The following WDR7 variants were observed in gnomAD, a reference collection of about 807,000 sequenced individuals.
WDR7 encodes WD repeat-containing protein 7.
In WDR7, 46 loss-of-function variants were observed where a neutral mutation model predicts 169.4. The observed-to-expected ratio is 0.27, with a 90% CI of 0.21 to 0.35. The LOEUF is 0.35. WDR7 is among the 10% of genes least tolerant of loss of function. WDR7 has a pLI of 1.00. For missense variants in WDR7, 1,534 were observed against 1,859.3 expected (o/e 0.83, Z 3.22); for synonymous variants, 612 against 666.8 (o/e 0.92, Z 1.27).
In WDR7 at chr18:56,854,019, A is replaced by G. The variant is rs80058688; in HGVS notation, c.3305-25925A>G. ...TGAACATCTGATTCATGTCTTCTGT[A>G]CACATACATATAATTTTCTCTTGAG... On this transcript the variant is annotated intron_variant, in intron 20 of 27. Coordinates refer to ENST00000254442, the MANE Select transcript of WDR7 (RefSeq NM_015285.3). Among the ~76,000 whole-genome samples, 212 of 152,300 alleles carry G rather than the reference A, an allele frequency of 1.4e-3. 2 individuals carry two copies. Among genetic ancestry groups the G allele is most frequent in the African/African-American group, 5.0e-3 (206 of 41,558 alleles).
chr18:56,862,419 A>G (rs2045819992), intron 20 of WDR7, among the ~76,000 whole-genome samples: 1 of 151,480 alleles, frequency 6.6e-6, no homozygotes. Context: ...TTATACAGTC[A>G]ACTCTTAAAT....
At chr18:56,850,363 C>A (rs1031892021) in intron 20 of WDR7, among the ~76,000 whole-genome samples, 1 of 152,114 alleles carries the variant, frequency 6.6e-6, no homozygotes, top group African/African-American at 2.4e-5. Flanking sequence ...TATAGCAGCA[C>A]CTGAAAACTG....
chr18:56,710,596 GATT>G (rs1311619514), intron 12 of WDR7, among the ~76,000 whole-genome samples: 1 of 152,000 alleles, frequency 6.6e-6, no homozygotes, highest in East Asian at 1.9e-4. Flanking sequence ...TTTCATTTAG[GATT>G]ATTTTCTTTG....
chr18:56,871,931 T>A (rs1052206986), intron 20 of WDR7, among the ~76,000 whole-genome samples: 3 of 152,098 alleles, frequency 2.0e-5, no homozygotes, highest in Non-Finnish European at 4.4e-5. Context: ...GTAACAAGTA[T>A]TATGACACTC....
downstream of WDR7, chr18:57,033,240 A>ATTG (rs1186799001): frequency 6.6e-6 from 1 of 152,114 alleles, no homozygotes; most frequent in Non-Finnish European, 1.5e-5. Context: ...ATGAGGTGGT[A>ATTG]TTGTTAGGTT....
At chr18:56,700,507 G>A (rs567831604) in intron 12 of WDR7, among the ~76,000 whole-genome samples, 3 of 149,574 alleles carry the variant, frequency 2.0e-5, no homozygotes, top group Non-Finnish European at 4.4e-5. Flanking sequence ...CACCCACCTC[G>A]GCCTCTCAAA....
chr18:56,949,075 C>T (rs1206730416), intron 25 of WDR7, among the ~76,000 whole-genome samples: 1 of 152,156 alleles, frequency 6.6e-6, no homozygotes, highest in African/African-American at 2.4e-5. Flanking sequence ...TGTCACCTCT[C>T]CCACTCTCTT....
chr18:56,917,620 A>G (rs1210234633), intron 21 of WDR7, among the ~76,000 whole-genome samples: 2 of 152,194 alleles, frequency 1.3e-5, no homozygotes, highest in African/African-American at 4.8e-5. Context: ...CAGATACTAC[A>G]AAAGTTTTAA....
chr18:56,950,784 C>T (rs2047169990), intron 25 of WDR7, among the ~76,000 whole-genome samples: 1 of 152,126 alleles, frequency 6.6e-6, no homozygotes, highest in Non-Finnish European at 1.5e-5. Context: ...TCCTCAAATT[C>T]CAGTGCCACT....
At chr18:57,011,607 A>G (rs2048136489) in intron 26 of WDR7, among the ~76,000 whole-genome samples, 1 of 152,264 alleles carries the variant, frequency 6.6e-6, no homozygotes, top group African/African-American at 2.4e-5. Context: ...ACTTTATAAC[A>G]TAAAGTTGGC....
At chr18:56,997,981 C>A (rs530128061) in intron 26 of WDR7, among the ~76,000 whole-genome samples, 1 of 152,188 alleles carries the variant, frequency 6.6e-6, no homozygotes, top group South Asian at 2.1e-4. Context: ...GATCATCTTT[C>A]CAGGAAGGAT....
intron 20 of WDR7, among the ~76,000 whole-genome samples, chr18:56,825,987 A>G (rs935469750): frequency 7.9e-6 from 1 of 127,108 alleles, no homozygotes; most frequent in Non-Finnish European, 1.9e-5. Context: ...TTCTTTTGCT[A>G]AATTTAGACC....
At chr18:56,744,266 A>G (rs371710415) in intron 14 of WDR7, among the ~76,000 whole-genome samples, 112 of 126,238 alleles carry the variant, frequency 8.9e-4, no homozygotes, top group South Asian at 6.9e-3. Context: ...AAAAAAAAAA[A>G]AAAGAAAGAG....
At position 56,747,951 on chromosome 18, in the gene WDR7, T is replaced by C. The variant is rs138054314; in HGVS notation, c.1990-8632T>C. Among the ~76,000 whole-genome samples the C allele has an allele frequency of 2.9e-3, 443 of 152,244 alleles. 3 individuals are homozygous for C. The East Asian group carries it at 0.032, about 11-fold the overall frequency. ...ATTATCAGTCTTATCCTTGTTCTTA[T>C]GGAGTGGAGCCTCCCAGAATCTCAC... On this transcript the variant is annotated intron_variant, in intron 14 of 27. Transcript: ENST00000254442.
chr18:56,965,388 T>C (rs373116182), intron 26 of WDR7, among the ~76,000 whole-genome samples: 1 of 151,562 alleles, frequency 6.6e-6, no homozygotes, highest in Non-Finnish European at 1.5e-5. Context: ...TGGTAAAAGA[T>C]AAAGGAAAAA....
intron 16 of WDR7, among the ~76,000 whole-genome samples, chr18:56,759,868 T>C (rs2144959783): frequency 6.6e-6 from 1 of 152,306 alleles, no homozygotes. Flanking sequence ...CAAGTACTTT[T>C]ATCTCTCTTA....
chr18:56,938,274 A>G (rs1445542130), intron 23 of WDR7, among the ~76,000 whole-genome samples: 1 of 152,154 alleles, frequency 6.6e-6, no homozygotes, highest in African/African-American at 2.4e-5. Context: ...AGTCCTCAAT[A>G]TGTTTCTTTT....
intron 16 of WDR7, among the ~76,000 whole-genome samples, chr18:56,765,784 A>G (rs2044055125): frequency 6.6e-6 from 1 of 152,050 alleles, no homozygotes; most frequent in Admixed American, 6.6e-5. Context: ...TTATGTATGT[A>G]TATATGTATG....
chr18:56,764,601 C>T (rs2044032648), intron 16 of WDR7, among the ~76,000 whole-genome samples: 1 of 152,058 alleles, frequency 6.6e-6, no homozygotes, highest in Non-Finnish European at 1.5e-5. Flanking sequence ...TACATTGTTA[C>T]TAACTATAGT....
Sources: gnomAD v4.1 joint callset for allele counts (sites outside exome capture counted in the v4.1 genomes callset) on GRCh38, gnomAD v4.1.1 for gene constraint, MANE v1.5 for transcripts, NCBI Gene and HGNC (gene_info 2026-07-23, HGNC 2026-07-21) for gene names.